Variants in PARD3 observed in about 807,000 individuals in gnomAD.
PARD3 encodes the protein par-3 family cell polarity regulator.
Under a neutral mutation model 155.4 loss-of-function variants are expected in PARD3, and 75 were observed. The ratio of observed to expected loss-of-function variants is 0.48; its 90% CI spans 0.40 to 0.58. PARD3 has a LOEUF of 0.58. PARD3 is among the 20% of genes least tolerant of loss of function. The pLI is 0.00. For synonymous variants in PARD3, 576 were observed against 610.5 expected (o/e 0.94, Z 0.83); for missense variants, 1,642 against 1,721.7 (o/e 0.95, Z 0.82).
chr10:34,171,634 T>C (rs1031576399), intron 22 of PARD3, among the ~76,000 whole-genome samples: 2 of 152,046 alleles, frequency 1.3e-5, no homozygotes, highest in African/African-American at 2.4e-5. Context: ...AAATACAATC[T>C]GCACAGTCCT....
At chr10:34,370,817 TG>T (rs1840519661) in intron 12 of PARD3, among the ~76,000 whole-genome samples, 1 of 148,922 alleles carries the variant, frequency 6.7e-6, no homozygotes, top group Non-Finnish European at 1.5e-5. Flanking sequence ...GGTGTGTGTG[TG>T]TGTGTGTGTG....
At chr10:34,345,549 T>C (rs1837322336) in intron 15 of PARD3, 1 of 985,166 alleles carries the variant, frequency 1.0e-6, no homozygotes, top group Admixed American at 6.2e-5. Flanking sequence ...AACCAAACAG[T>C]CTGAGGAATA....
At chr10:34,719,749 T>C (rs2094574935) in intron 1 of PARD3, among the ~76,000 whole-genome samples, 1 of 152,234 alleles carries the variant, frequency 6.6e-6, no homozygotes. Context: ...GAACTTTAAG[T>C]TCAAGACTTT....
chr10:34,687,057 TAAAC>T (rs1039668633), intron 2 of PARD3, among the ~76,000 whole-genome samples: 7 of 151,670 alleles, frequency 4.6e-5, no homozygotes, highest in South Asian at 2.1e-4. Context: ...TCAAAAAAAA[TAAAC>T]AAATAAAATA....
At chr10:34,593,735 T>G (rs1052415171) in intron 2 of PARD3, among the ~76,000 whole-genome samples, 1 of 152,236 alleles carries the variant, frequency 6.6e-6, no homozygotes, top group Non-Finnish European at 1.5e-5. Context: ...AAATTTAGAA[T>G]GTTAGTTCAG....
chr10:34,725,448 C>G (rs911997229), intron 1 of PARD3, among the ~76,000 whole-genome samples: 1 of 152,166 alleles, frequency 6.6e-6, no homozygotes, highest in African/African-American at 2.4e-5. Flanking sequence ...AGCCACCACG[C>G]CCAGCCCAGT....
intron 1 of PARD3, among the ~76,000 whole-genome samples, chr10:34,753,945 GTTTT>G (rs1225229803): frequency 6.6e-6 from 1 of 151,964 alleles, no homozygotes; most frequent in Non-Finnish European, 1.5e-5. Flanking sequence ...CTGAATAAGT[GTTTT>G]TTATGATAAC....
At chr10:34,440,366 A>AT (rs2076401746) in intron 5 of PARD3, among the ~76,000 whole-genome samples, 1 of 152,226 alleles carries the variant, frequency 6.6e-6, no homozygotes, top group Non-Finnish European at 1.5e-5. Flanking sequence ...GATGGGTGGG[A>AT]ATAAAGAGAG....
At chr10:34,426,928 C>T (rs2132484756) in intron 5 of PARD3, among the ~76,000 whole-genome samples, 1 of 152,302 alleles carries the variant, frequency 6.6e-6, no homozygotes, top group East Asian at 1.9e-4. Context: ...CCTGTCTTTA[C>T]TGCAATCTCC....
At chr10:34,421,482 G>GA (rs1016827204) in intron 5 of PARD3, among the ~76,000 whole-genome samples, 82 of 150,062 alleles carry the variant, frequency 5.5e-4, no homozygotes, top group African/African-American at 1.9e-3. Flanking sequence ...GAGCATCCAT[G>GA]TTTTTTTTTC....
At chr10:34,606,515 C>T (rs532215183) in intron 2 of PARD3, among the ~76,000 whole-genome samples, 1 of 151,674 alleles carries the variant, frequency 6.6e-6, no homozygotes, top group African/African-American at 2.4e-5. Flanking sequence ...AAAGTTGGAG[C>T]ATCAGCCTGG....
At chr10:34,774,443 G>A (rs1347402891) in intron 1 of PARD3, among the ~76,000 whole-genome samples, 1 of 152,196 alleles carries the variant, frequency 6.6e-6, no homozygotes, top group Non-Finnish European at 1.5e-5. Flanking sequence ...TTTTCCTGCA[G>A]CATTGGAAGG....
At chr10:34,657,496 C>A (rs2093204337) in intron 2 of PARD3, among the ~76,000 whole-genome samples, 1 of 151,994 alleles carries the variant, frequency 6.6e-6, no homozygotes, top group Non-Finnish European at 1.5e-5. Context: ...GTAATTAACA[C>A]ATCACTGTCA....
chr10:34,641,331 C>T (rs998229901), intron 2 of PARD3, among the ~76,000 whole-genome samples: 5 of 152,226 alleles, frequency 3.3e-5, no homozygotes, highest in African/African-American at 1.2e-4. Context: ...GGCACCTGCC[C>T]GCACCCTGAG....
intron 19 of PARD3, among the ~76,000 whole-genome samples, chr10:34,319,945 T>G (rs1958275229): frequency 1.3e-5 from 2 of 152,182 alleles, no homozygotes; most frequent in Admixed American, 1.3e-4. Context: ...AGCTAGTGAA[T>G]TTTGTATAAT....
intron 1 of PARD3, among the ~76,000 whole-genome samples, chr10:34,752,537 GAA>G (rs111662023): frequency 2.9e-5 from 4 of 136,916 alleles, no homozygotes; most frequent in African/African-American, 2.7e-5. Flanking sequence ...CTTGTGGGGA[GAA>G]AAAAAAAAAA....
chr10:34,238,040 T>C (rs995725151), intron 22 of PARD3, among the ~76,000 whole-genome samples: 1 of 152,184 alleles, frequency 6.6e-6, no homozygotes, highest in Non-Finnish European at 1.5e-5. Context: ...GCACTTAATT[T>C]AATAATGAAA....
chr10:34,811,776 G>A (rs934704689), intron 1 of PARD3, among the ~76,000 whole-genome samples: 10 of 151,996 alleles, frequency 6.6e-5, no homozygotes, highest in East Asian at 1.9e-4. Context: ...CCCACACAGC[G>A]CTGCAGCTCA....
At position 34,460,909 on chromosome 10, in the gene PARD3, G is replaced by T. The variant is rs751174326; in HGVS notation, c.582+9176C>A. ...ACTTCTGGTATAGGTATAATTAAAT[G>T]ATATATAACATGTAACATACCAAGC... On this transcript the variant is annotated intron_variant, in intron 4 of 24. Coordinates refer to ENST00000374788, the MANE Select transcript of PARD3 (RefSeq NM_001184785.2). Among the ~76,000 whole-genome samples the T allele has an allele frequency of 2.0e-5, 3 of 152,306 alleles. No homozygotes were observed. In the Middle Eastern group the frequency reaches 0.01, roughly 518 times the overall value.
Sources: gnomAD v4.1 joint callset for allele counts (sites outside exome capture counted in the v4.1 genomes callset) on GRCh38, gnomAD v4.1.1 for gene constraint, MANE v1.5 for transcripts, NCBI Gene and HGNC (gene_info 2026-07-23, HGNC 2026-07-21) for gene names.